The following IFNGR2 variants were observed in gnomAD, a reference collection of about 807,000 sequenced individuals.
IFNGR2 encodes interferon gamma receptor 2.
In IFNGR2, 15 loss-of-function variants were observed where a neutral mutation model predicts 41.1. The observed-to-expected ratio is 0.37, with a 90% CI of 0.24 to 0.56. The LOEUF is 0.56. Among genes scored for constraint, IFNGR2 ranks in the 20% least tolerant of loss-of-function variants. IFNGR2 has a pLI of 0.81. For missense variants in IFNGR2, 362 were observed against 415.7 expected (o/e 0.87, Z 1.12); for synonymous variants, 161 against 171.6 (o/e 0.94, Z 0.48).
intron 2 of IFNGR2, among the ~76,000 whole-genome samples, chr21:33,416,747 G>A (rs1265982351): frequency 2.0e-5 from 3 of 150,658 alleles, no homozygotes; most frequent in Non-Finnish European, 3.0e-5. Context: ...GCGTGAACCC[G>A]GGAGGCAGAG....
intron 3 of IFNGR2, among the ~76,000 whole-genome samples, chr21:33,422,877 CAAAAAAA>C (rs71194843): frequency 0.015 from 520 of 34,946 alleles, 7 homozygotes; most frequent in African/African-American, 0.065. Context: ...AACTCCATCT[CAAAAAAA>C]AAAAAAAAAA....
chr21:33,428,819 T>G (rs2083861934), intron 4 of IFNGR2, among the ~76,000 whole-genome samples: 1 of 152,216 alleles, frequency 6.6e-6, no homozygotes, highest in South Asian at 2.1e-4. Context: ...CGTGTTGCCA[T>G]GCTCCCTCCC....
intron 1 of IFNGR2, among the ~76,000 whole-genome samples, chr21:33,405,133 GAA>G (rs1270156801): frequency 6.6e-6 from 1 of 150,712 alleles, no homozygotes. Context: ...AGAAAAAGAG[GAA>G]AAGACCTTAA....
chr21:33,435,480 A>G (rs2123379620), intron 6 of IFNGR2, among the ~76,000 whole-genome samples: 1 of 152,174 alleles, frequency 6.6e-6, no homozygotes, highest in South Asian at 2.1e-4. Context: ...AAAAAACAAA[A>G]CTTGCTTTTC....
chr21:33,431,802 C>T (rs1417480778), intron 4 of IFNGR2, among the ~76,000 whole-genome samples: 1 of 152,192 alleles, frequency 6.6e-6, no homozygotes, highest in African/African-American at 2.4e-5. Context: ...TAACTCCTGA[C>T]CTCAGGTGAT....
Position 33,432,890 on chromosome 21 carries a change from CTTTTT to C in IFNGR2, c.879+28_879+32del. On this transcript the variant is annotated intron_variant, in intron 6 of 6. Transcript: ENST00000290219. ...AGAAGAGGTACGTGTGCACACATCT[CTTTTT>C]TTTTTTTTGAGACAGGGTCTTGCTC... 1 of 1,477,700 alleles carries C rather than the reference CTTTTT, an allele frequency of 6.8e-7. No individual in the cohort carries two copies. Among genetic ancestry groups the C allele is most frequent in the Non-Finnish European group, 9.3e-7 (1 of 1,078,774 alleles). 91.5% of individuals were successfully genotyped at this position (1,477,700 alleles called of 1,614,324 possible). A position where few individuals can be genotyped will look rare whatever the true frequency, so the allele number is the denominator to read the frequency against.
At chr21:33,430,049 G>A (rs530639047) in intron 4 of IFNGR2, among the ~76,000 whole-genome samples, 5 of 151,994 alleles carry the variant, frequency 3.3e-5, no homozygotes, top group Non-Finnish European at 7.3e-5. Flanking sequence ...TGAGGCAGGA[G>A]AATTGCTTGA....
chr21:33,436,324 G>A (rs537647966), intron 6 of IFNGR2, among the ~76,000 whole-genome samples: 7 of 150,800 alleles, frequency 4.6e-5, no homozygotes, highest in East Asian at 1.9e-4. Flanking sequence ...GTGAAACTCC[G>A]TCTCAAAAAA....
At chr21:33,422,080 G>T (rs932441119) in intron 3 of IFNGR2, among the ~76,000 whole-genome samples, 1 of 152,198 alleles carries the variant, frequency 6.6e-6, no homozygotes, top group African/African-American at 2.4e-5. Context: ...CCAACCTCAT[G>T]CTAGAAGGGA....
chr21:33,427,137 T>C, intron 4 of IFNGR2, 105 bp downstream of exon 4: 1 of 952,426 alleles, frequency 1.0e-6, no homozygotes, highest in South Asian at 1.3e-5. Flanking sequence ...TGTCTCCATG[T>C]CCCCGTGTCC....
At chr21:33,418,489 T>C (rs376108453) in intron 2 of IFNGR2, among the ~76,000 whole-genome samples, 1 of 152,234 alleles carries the variant, frequency 6.6e-6, no homozygotes, top group African/African-American at 2.4e-5. Context: ...GGCCTTTGCA[T>C]TTGTTTTTAG....
Position 33,416,518 on chromosome 21 carries a change from A to C in IFNGR2, c.206+1498A>C, listed in dbSNP as rs78679506. On this transcript the variant is annotated intron_variant, in intron 2 of 6. Coordinates refer to ENST00000290219, the MANE Select transcript of IFNGR2 (RefSeq NM_005534.4). Reference sequence around the variant, plus strand: ...AAAGGGGCCGATCATGGTGGCTCACACCTGTAAAAGAATAGAAAAGTAGGC... The same window carrying C: ...AAAGGGGCCGATCATGGTGGCTCACCCCTGTAAAAGAATAGAAAAGTAGGC... Among the ~76,000 whole-genome samples the C allele has an allele frequency of 7.9e-4, 120 of 152,226 alleles. 1 individual carries two copies. Among genetic ancestry groups the C allele is most frequent in the African/African-American group, 2.8e-3 (117 of 41,546 alleles).
intron 2 of IFNGR2, among the ~76,000 whole-genome samples, chr21:33,419,847 C>A (rs2083779494): frequency 6.6e-6 from 1 of 152,198 alleles, no homozygotes; most frequent in Non-Finnish European, 1.5e-5. Flanking sequence ...CCGGCAGTGG[C>A]AGGGGTTTGG....
At chr21:33,419,873 A>C (rs2083779761) in intron 2 of IFNGR2, among the ~76,000 whole-genome samples, 1 of 152,218 alleles carries the variant, frequency 6.6e-6, no homozygotes, top group South Asian at 2.1e-4. Context: ...CAGGCCCTGC[A>C]CTGCATTTGA....
chr21:33,430,217 G>A (rs2083873973), intron 4 of IFNGR2, among the ~76,000 whole-genome samples: 1 of 152,194 alleles, frequency 6.6e-6, no homozygotes. Context: ...GCCCTTCAAA[G>A]GGCATTAGTG....
chr21:33,403,725 T>C (rs1290950646), intron 1 of IFNGR2, 109 bp downstream of exon 1: 20 of 654,458 alleles, frequency 3.1e-5, no homozygotes, highest in Middle Eastern at 1.0e-3. Context: ...GTGCTCAGAG[T>C]GGGTGGGAAT....
intron 1 of IFNGR2, among the ~76,000 whole-genome samples, chr21:33,408,456 A>G (rs2083693491): frequency 1.3e-5 from 2 of 151,990 alleles, no homozygotes. Flanking sequence ...TCAACCTCCC[A>G]AAGTGCTGGG....
rs191792822 is a variant in IFNGR2, at chr21:33,432,749, G to A, written c.757G>A (p.Val253Met). The A allele has an allele frequency of 1.1e-5, 17 of 1,614,136 alleles. 1 individual carries two copies. Among genetic ancestry groups the A allele is most frequent in the South Asian group, 6.6e-5 (6 of 91,086 alleles). ...GCTTCAGCAAGTCATCCTGATCTCC[G>A]TGGGAACATTTTCGTTGCTGTCGGT... is the stretch of plus-strand genomic sequence containing the variant. The part of the protein sequence containing the change: ...TELQQVILIS[V>M]GTFSLLSVLA... Residue 253 changes from valine (V) to methionine (M), a missense_variant, in exon 6 of 7, where the codon GTG becomes ATG. Val to Met is a conservative substitution (Grantham distance 21, BLOSUM62 1). Transcript: ENST00000290219.
intron 2 of IFNGR2, among the ~76,000 whole-genome samples, chr21:33,419,706 A>C (rs1447051285): frequency 2.6e-5 from 4 of 152,140 alleles, no homozygotes; most frequent in Non-Finnish European, 5.9e-5. Context: ...TACATGAATC[A>C]TATCTGGTTA....
Sources: allele counts gnomAD v4.1 joint callset (sites outside exome capture counted in the v4.1 genomes callset), GRCh38; gene constraint gnomAD v4.1.1; transcripts MANE v1.5; gene names NCBI Gene and HGNC (gene_info 2026-07-23, HGNC 2026-07-21).